The following TEX264 variants were observed in gnomAD, a reference collection of about 807,000 sequenced individuals.
TEX264 encodes the protein testis-expressed protein 264.
A neutral mutation model predicts 23.4 loss-of-function variants in TEX264; 13 were observed. The ratio of observed to expected loss-of-function variants is 0.56; its 90% CI spans 0.36 to 0.88. TEX264 has a LOEUF of 0.88. Among genes scored for constraint, TEX264 ranks in the 40% least tolerant of loss-of-function variants. TEX264 has a pLI of 0.01. For synonymous variants in TEX264, 159 were observed against 170.0 expected, an observed-to-expected ratio of 0.94 and a Z score of 0.50; for missense variants, 340 against 406.8, an observed-to-expected ratio of 0.84 and a Z score of 1.41.
chr3:51,678,473 TGGCTGGGGCAAGATG>T (rs1702309033), intron 2 of TEX264, among the ~76,000 whole-genome samples: 1 of 152,222 alleles, frequency 6.6e-6, no homozygotes. Flanking sequence ...ATGGGGAGCC[TGGCTGGGGCAAGATG>T]GGTGTGGCAG....
chr3:51,692,207 G>A (rs1433455228), intron 3 of TEX264, among the ~76,000 whole-genome samples: 1 of 152,214 alleles, frequency 6.6e-6, no homozygotes, highest in East Asian at 1.9e-4. Context: ...TCCAGAGGGA[G>A]CCTTCTTCCC....
chr3:51,692,296 G>A (rs1286227172), intron 3 of TEX264, among the ~76,000 whole-genome samples: 4 of 152,166 alleles, frequency 2.6e-5, no homozygotes, highest in Non-Finnish European at 5.9e-5. Context: ...TTAGGGAGGG[G>A]AAAGAGATTC....
rs539143924 is a variant in TEX264 at position 51,684,687 on chromosome 3, G to A, written c.480+53G>A. On this transcript the variant is annotated intron_variant, in intron 3 of 4. Transcript: ENST00000341333. ...TTGGGGACAGCCAGGCCCCTTGGGT[G>A]GAGCTGAGGAGGACTGCCTAGAATG... is the stretch of plus-strand genomic sequence containing the variant. 9 of 1,569,492 alleles carry A rather than the reference G, an allele frequency of 5.7e-6. No individual in the cohort carries two copies. In the Admixed American group the frequency reaches 1.0e-4, roughly 18 times the overall value.
chr3:51,695,596 G>T (rs1363695680), intron 3 of TEX264, among the ~76,000 whole-genome samples: 1 of 152,236 alleles, frequency 6.6e-6, no homozygotes, highest in Non-Finnish European at 1.5e-5. Context: ...AGGCACTGTG[G>T]GTCCCGTGGG....
chr3:51,687,200 C>A lies in TEX264; in HGVS notation c.480+2566C>A, dbSNP rs548694265. On this transcript the variant is annotated intron_variant, in intron 3 of 4. Coordinates refer to ENST00000341333, the MANE Select transcript of TEX264 (RefSeq NM_015926.6). ...ATCAGCGGGGAGAGTAAGATAGAGG[C>A]CGGCTGCCCACAGAAGAGGCATGGC... Among the ~76,000 whole-genome samples, 5 of 152,310 alleles carry A rather than the reference C, an allele frequency of 3.3e-5. No individual in the cohort carries two copies. In the South Asian group the frequency reaches 8.3e-4, roughly 25 times the overall value.
Position 51,686,974 on chromosome 3 carries a change from C to T in TEX264, c.480+2340C>T, listed in dbSNP as rs1000217574. Among the ~76,000 whole-genome samples, 6 of 152,216 alleles carry T rather than the reference C, an allele frequency of 3.9e-5. No individual in the cohort carries two copies. The highest frequency in any genetic ancestry group is 7.3e-5 in the Non-Finnish European group (5 of 68,034). ...TTTAGACACCTTTGTCCAAATTTCC[C>T]GGCCCCTGACAGCTTCACAAGTTGC... On this transcript the variant is annotated intron_variant, in intron 3 of 4. Transcript: ENST00000341333. This position sits in a 1 kb window ranked among gnomAD's most constrained non-coding sequence, Gnocchi z 4.1.
chr3:51,699,536 G>T lies in TEX264; in HGVS notation c.611G>T (p.Gly204Val). 1 of 1,614,056 alleles carries T rather than the reference G, an allele frequency of 6.2e-7. No individual in the cohort carries two copies. The highest frequency in any genetic ancestry group is 8.5e-7 in the Non-Finnish European group (1 of 1,179,912). Residue 204 changes from glycine (G) to valine (V), a missense_variant, in exon 4 of 5, where the codon GGG becomes GTG. Coordinates refer to ENST00000341333, the MANE Select transcript of TEX264 (RefSeq NM_015926.6). ...EMKETEWKWR[G>V]LVEAIDTQVD... ...AAGGAGACAGAGTGGAAATGGCGGG[G>T]GCTTGTGGAGGCCATTGACACCCAG...
chr3:51,673,645 G>T (rs925800887), intron 1 of TEX264, among the ~76,000 whole-genome samples: 4 of 152,216 alleles, frequency 2.6e-5, no homozygotes, highest in African/African-American at 9.7e-5. Context: ...TCTGGTTCTG[G>T]ATGGGTAAGC....
chr3:51,685,576 A>G (rs1303614531), intron 3 of TEX264, among the ~76,000 whole-genome samples: 1 of 152,222 alleles, frequency 6.6e-6, no homozygotes, highest in Non-Finnish European at 1.5e-5. Context: ...GTCCTAGAAG[A>G]GCCTTTAGAG....
At chr3:51,693,542 C>G (rs139275386) in intron 3 of TEX264, among the ~76,000 whole-genome samples, 2,612 of 149,026 alleles carry the variant, frequency 0.018, 83 homozygotes, top group African/African-American at 0.061. Flanking sequence ...TGCGGTGGCA[C>G]GATCGCGGCT....
rs369600255 is a variant in TEX264 at position 51,686,737 on chromosome 3, T to C, written c.480+2103T>C. Among the ~76,000 whole-genome samples, 1 of 152,026 alleles carries C rather than the reference T, an allele frequency of 6.6e-6. No individual in the cohort carries two copies. The highest frequency in any genetic ancestry group is 1.9e-4 in the East Asian group (1 of 5,174). ...ATACCAGTGCCCTAGGCCTGCTTAGTGTGCTGCCTCTGGGGAGTCCCGCCC... is the reference window on the plus strand; with the variant it reads ...ATACCAGTGCCCTAGGCCTGCTTAGCGTGCTGCCTCTGGGGAGTCCCGCCC... On this transcript the variant is annotated intron_variant, in intron 3 of 4. Coordinates refer to ENST00000341333, the MANE Select transcript of TEX264 (RefSeq NM_015926.6). The surrounding 1 kb of genome is among the most constrained non-coding windows in gnomAD (Gnocchi z 4.1).
At chr3:51,673,412 TC>T (rs1389139676) in intron 1 of TEX264, among the ~76,000 whole-genome samples, 1 of 152,220 alleles carries the variant, frequency 6.6e-6, no homozygotes, top group Non-Finnish European at 1.5e-5. Context: ...TGTGTTATGT[TC>T]CTGGGACTGC....
chr3:51,697,304 AC>A (rs887159904), intron 3 of TEX264, among the ~76,000 whole-genome samples: 12 of 151,988 alleles, frequency 7.9e-5, no homozygotes, highest in African/African-American at 2.7e-4. Flanking sequence ...AAAGAGCAGT[AC>A]TCCCTCTTAT....
At chr3:51,681,865 G>A (rs1435442173) in intron 2 of TEX264, 1 of 152,244 alleles carries the variant, frequency 6.6e-6, no homozygotes, top group African/African-American at 2.4e-5. Context: ...CTCCAAAAGA[G>A]CCTTGCCTAT....
At chr3:51,674,691 C>A in intron 2 of TEX264, 129 bp downstream of exon 2, 1 of 1,124,968 alleles carries the variant, frequency 8.9e-7, no homozygotes, top group Non-Finnish European at 1.2e-6. Context: ...GACCCCTCCT[C>A]TATGAGCTTG....
At chr3:51,699,647 G>T in intron 4 of TEX264, 73 bp downstream of exon 4, 2 of 1,556,378 alleles carry the variant, frequency 1.3e-6, no homozygotes, top group Non-Finnish European at 1.8e-6. Flanking sequence ...GCTTGGTTGA[G>T]GAGGCTCCTC....
At chr3:51,684,715 A>G in intron 3 of TEX264, 81 bp downstream of exon 3, 1 of 1,440,492 alleles carries the variant, frequency 6.9e-7, no homozygotes, top group South Asian at 1.2e-5. Context: ...CTAGAATGGG[A>G]GGAAGAAGTG....
chr3:51,685,935 G>A (rs933371209), intron 3 of TEX264, among the ~76,000 whole-genome samples: 1 of 152,244 alleles, frequency 6.6e-6, no homozygotes, highest in Admixed American at 6.5e-5. Flanking sequence ...GAGGCAGTGA[G>A]GGAGTCACAG....
In TEX264 at chr3:51,703,614, A is replaced by C. The variant is rs1703402598; in HGVS notation, c.650-110A>C. 8.6e-7 allele frequency: 1 copy of C among 1,161,798 alleles called. No homozygotes were observed. The highest frequency in any genetic ancestry group is 1.5e-5 in the African/African-American group (1 of 64,768). 72.0% of individuals were successfully genotyped at this position (1,161,798 alleles called of 1,614,324 possible). A position where few individuals can be genotyped will look rare whatever the true frequency, so the allele number is the denominator to read the frequency against. Reference sequence around the variant, plus strand: ...GAGGGCAGCTGGAGCAAGCCCCCTGAGCCCGGGAGGCTGCATTATTCATGA... The same window carrying C: ...GAGGGCAGCTGGAGCAAGCCCCCTGCGCCCGGGAGGCTGCATTATTCATGA... On this transcript the variant is annotated intron_variant, in intron 4 of 4. Coordinates refer to ENST00000341333, the MANE Select transcript of TEX264 (RefSeq NM_015926.6). The surrounding 1 kb of genome is among the most constrained non-coding windows in gnomAD (Gnocchi z 4.8).
Sources: gnomAD v4.1 joint callset for allele counts (sites outside exome capture counted in the v4.1 genomes callset) on GRCh38, gnomAD v4.1.1 for gene constraint, Gnocchi (gnomAD v3.1) non-coding constraint, MANE v1.5 for transcripts, NCBI Gene and HGNC (gene_info 2026-07-23, HGNC 2026-07-21) for gene names.